Variants in UBA6 observed in about 807,000 individuals in gnomAD.
The protein encoded by UBA6 is ubiquitin like modifier activating enzyme 6, also known as ubiquitin-like modifier-activating enzyme 6.
UBA6 carries 87 observed loss-of-function variants against 148.3 expected under a neutral mutation model. The observed-to-expected ratio is 0.59, with a 90% CI of 0.49 to 0.70. The LOEUF is 0.70. Ranked by LOEUF, UBA6 falls within the 30% of genes least tolerant of loss-of-function variation. UBA6 has a pLI of 0.00. For missense variants in UBA6, 1,186 were observed against 1,241.2 expected (o/e 0.96, Z 0.67); for synonymous variants, 376 against 401.0 (o/e 0.94, Z 0.75).
chr4:67,648,812 C>A (rs1165947170), intron 14 of UBA6, among the ~76,000 whole-genome samples: 1 of 152,062 alleles, frequency 6.6e-6, no homozygotes, highest in East Asian at 1.9e-4. Context: ...AAGGATAGAA[C>A]ATTCATTCCC....
At position 67,622,902 on chromosome 4, in the gene UBA6, T is replaced by G; in HGVS notation, c.2952A>C (p.Thr984=). 6.2e-7 allele frequency: 1 copy of G among 1,612,298 alleles called. No homozygotes were observed. Among genetic ancestry groups the G allele is most frequent in the African/African-American group, 1.3e-5 (1 of 74,960 alleles). Residue 984 remains threonine, a synonymous_variant, in exon 32 of 33, where the codon ACA becomes ACC. Coordinates refer to ENST00000322244, the MANE Select transcript of UBA6 (RefSeq NM_018227.6). ...GCATTTTGACTCCCTGTACCACCAT[T>G]GTTGGCTCAATTCCATACTTCTCCT... The part of the protein sequence containing the change: ...AVKEKYGIEP[T]MVVQGVKMLY...
At position 67,646,030 on chromosome 4, in the gene UBA6, CAT is replaced by C; in HGVS notation, c.1317-16_1317-15del. 3.4e-6 allele frequency: 5 copies of C among 1,479,508 alleles called. No homozygotes were observed. Among genetic ancestry groups the C allele is most frequent in the Non-Finnish European group, 4.6e-6 (5 of 1,089,038 alleles). The allele number at this position is 1,479,508 out of a possible 1,614,324, so 91.6% of individuals were successfully genotyped here. A position where few individuals can be genotyped will look rare whatever the true frequency, so the allele number is the denominator to read the frequency against. ...TATCTATCTCCTCTGAAAAAAATAA[CAT>C]ATACCAAAAAGCAGAAATAAAAAAC... On this transcript the variant is annotated splice_polypyrimidine_tract_variant and intron_variant, in intron 15 of 32. Coordinates refer to ENST00000322244, the MANE Select transcript of UBA6 (RefSeq NM_018227.6).
At chr4:67,673,647 A>AAGTGTTCTT in intron 7 of UBA6, 50 bp downstream of exon 7, 1 of 1,290,656 alleles carries the variant, frequency 7.7e-7, no homozygotes, top group Non-Finnish European at 1.1e-6. Flanking sequence ...CTACTAGTGA[A>AAGTGTTCTT]AGTGTTCTTC....
intron 11 of UBA6, 130 bp from the exon 12 acceptor site, chr4:67,663,345 T>C (rs1560492307): frequency 1.7e-6 from 1 of 576,050 alleles, no homozygotes; most frequent in East Asian, 2.9e-5. Context: ...TTATTAACTC[T>C]ATTTAACAAA....
rs781621409 is a variant in UBA6 at position 67,677,679 on chromosome 4, C to T, written c.397G>A (p.Val133Ile). 15 of 1,606,918 alleles carry T rather than the reference C, an allele frequency of 9.3e-6. No individual in the cohort carries two copies. The highest frequency in any genetic ancestry group is 1.6e-4 in the Middle Eastern group (1 of 6,062). Reference sequence around the variant, plus strand: ...GGAACAGAAGATGATGTGACATGAACGTATGGATTTAGTTCTGCAATATGT... The same window carrying T: ...GGAACAGAAGATGATGTGACATGAATGTATGGATTTAGTTCTGCAATATGT... ...LKHIAELNPYVHVTSSSVPFN... is the reference protein window; with the variant it reads ...LKHIAELNPYIHVTSSSVPFN... The change falls in exon 6 of 33, where the codon GTT becomes ATT. Residue 133 changes from valine (V) to isoleucine (I), a missense_variant. Val to Ile is a conservative substitution (Grantham distance 29). Transcript: ENST00000322244.
intron 13 of UBA6, 121 bp downstream of exon 13, chr4:67,662,068 A>G: frequency 1.2e-6 from 1 of 847,960 alleles, no homozygotes; most frequent in African/African-American, 1.7e-5. Context: ...ACAAACTGAA[A>G]AAAGTTGTCT....
At chr4:67,648,461 C>G (rs2109919139) in intron 14 of UBA6, among the ~76,000 whole-genome samples, 1 of 129,328 alleles carries the variant, frequency 7.7e-6, no homozygotes, top group Middle Eastern at 4.3e-3. Flanking sequence ...GTGTGAGACT[C>G]TGTCTCAAAA....
At chr4:67,681,731 A>G (rs1418108113) in intron 3 of UBA6, 140 bp from the exon 4 acceptor site, 2 of 606,832 alleles carry the variant, frequency 3.3e-6, no homozygotes, top group South Asian at 2.6e-5. Flanking sequence ...TGTCTTAAAA[A>G]AGTTACAAAA....
chr4:67,645,022 C>T (rs1004148979), intron 16 of UBA6, among the ~76,000 whole-genome samples: 1 of 151,906 alleles, frequency 6.6e-6, no homozygotes, highest in Non-Finnish European at 1.5e-5. Context: ...GTTAATACAA[C>T]ATTTAAAAAA....
At chr4:67,658,872 A>G (rs1387411292) in intron 13 of UBA6, among the ~76,000 whole-genome samples, 1 of 152,184 alleles carries the variant, frequency 6.6e-6, no homozygotes, top group Non-Finnish European at 1.5e-5. Flanking sequence ...AATTATAAAA[A>G]GGCCTGAGGG....
In UBA6 at chr4:67,701,112, C is replaced by T. The variant is rs780196334; in HGVS notation, c.8G>A (p.Gly3Glu). The change falls in exon 1 of 33, where the codon GGA becomes GAA. Residue 3 changes from glycine (G) to glutamate (E), a missense_variant. By Grantham distance (98) the Gly-to-Glu change is moderately conservative. Transcript: ENST00000322244. The stretch of plus-strand genomic sequence containing the variant: ...CTGATGGGCGGCCACAGGCTCGGAT[C>T]CTTCCATTGCCGCCTGAGACACCGC... ME[G>E]SEPVAAHQGE... 2.5e-6 allele frequency: 4 copies of T among 1,613,136 alleles called. No individual in the cohort carries two copies. Among genetic ancestry groups the T allele is most frequent in the East Asian group, 2.2e-5 (1 of 44,882 alleles).
chr4:67,641,457 C>T (rs1471594174), intron 17 of UBA6, among the ~76,000 whole-genome samples: 1 of 152,062 alleles, frequency 6.6e-6, no homozygotes, highest in Non-Finnish European at 1.5e-5. Context: ...ATAGCTGAGG[C>T]CAATTGCAAT....
rs1355210802 is a variant in UBA6, at chr4:67,615,786, C to T, written c.*3211G>A. On this transcript the variant is annotated 3_prime_UTR_variant, in exon 33 of 33. Coordinates refer to ENST00000322244, the MANE Select transcript of UBA6 (RefSeq NM_018227.6). ...TATGATTTTAAATAAAACTCAAAAA[C>T]AAGCAAACTGTATTGTTTAAGTTTA... 3 of 208,658 alleles carry T rather than the reference C, an allele frequency of 1.4e-5. No homozygotes were observed. Among genetic ancestry groups the T allele is most frequent in the Non-Finnish European group, 1.9e-5 (2 of 105,914 alleles). 12.9% of individuals were successfully genotyped at this position (208,658 alleles called of 1,614,324 possible). A position where few individuals can be genotyped will look rare whatever the true frequency, so the allele number is the denominator to read the frequency against.
chr4:67,695,811 G>A (rs1730818904), intron 2 of UBA6, among the ~76,000 whole-genome samples: 1 of 152,126 alleles, frequency 6.6e-6, no homozygotes, highest in Non-Finnish European at 1.5e-5. Flanking sequence ...CAAGCATAGA[G>A]TACAAAACAG....
At chr4:67,657,276 C>A (rs1275462461) in intron 13 of UBA6, among the ~76,000 whole-genome samples, 2 of 152,174 alleles carry the variant, frequency 1.3e-5, no homozygotes, top group Non-Finnish European at 2.9e-5. Context: ...TATCTGACTT[C>A]AAATTATACT....
chr4:67,618,343 A>G lies in UBA6; in HGVS notation c.*654T>C, dbSNP rs1728675613. 1 of 152,620 alleles carries G rather than the reference A, an allele frequency of 6.6e-6. No homozygotes were observed. Among genetic ancestry groups the G allele is most frequent in the Non-Finnish European group, 1.5e-5 (1 of 68,026 alleles). 9.5% of individuals were successfully genotyped at this position (152,620 alleles called of 1,614,324 possible). ...CTGTTCACGTTTAGTCTAAGTTAAT[A>G]TGTCTCATCTGACCTATTGCTCCTA... On this transcript the variant is annotated 3_prime_UTR_variant, in exon 33 of 33. Transcript: ENST00000322244.
At chr4:67,699,691 C>T (rs1730926946) in intron 1 of UBA6, among the ~76,000 whole-genome samples, 1 of 152,148 alleles carries the variant, frequency 6.6e-6, no homozygotes, top group African/African-American at 2.4e-5. Flanking sequence ...GCCTCGATCT[C>T]TCTAGACTCA....
intron 10 of UBA6, 38 bp from the exon 11 acceptor site, chr4:67,663,985 G>C: frequency 6.5e-7 from 1 of 1,531,822 alleles, no homozygotes; most frequent in Non-Finnish European, 9.0e-7. Context: ...CAGAGTGAGT[G>C]AGTGATTATT....
At chr4:67,661,969 G>C (rs991507601) in intron 13 of UBA6, 36 of 463,638 alleles carry the variant, frequency 7.8e-5, no homozygotes, top group Non-Finnish European at 1.1e-4. Context: ...GCATTTCTAA[G>C]TACTTTACAA....
Sources: allele counts gnomAD v4.1 joint callset (sites outside exome capture counted in the v4.1 genomes callset), GRCh38; gene constraint gnomAD v4.1.1; transcripts MANE v1.5; gene names NCBI Gene and HGNC (gene_info 2026-07-23, HGNC 2026-07-21).